BCHE: variants seen among roughly 807,000 people sequenced by gnomAD.
The protein encoded by BCHE is cholinesterase.
Under a neutral mutation model 51.3 loss-of-function variants are expected in BCHE, and 48 were observed. The observed-to-expected ratio is 0.94, with a 90% CI of 0.74 to 1.19. BCHE has a LOEUF of 1.19. BCHE is among the 50% of genes most tolerant of loss of function. The probability of loss-of-function intolerance (pLI) is 0.00; values close to 1 mark genes in which losing one functional copy is unlikely to be tolerated. For missense variants in BCHE, 847 were observed against 708.2 expected (o/e 1.20, Z -2.23); for synonymous variants, 251 against 238.0 (o/e 1.05, Z -0.50).
intron 2 of BCHE, among the ~76,000 whole-genome samples, chr3:165,827,827 A>AT (rs1714787611): frequency 6.6e-6 from 1 of 152,170 alleles, no homozygotes; most frequent in African/African-American, 2.4e-5. Flanking sequence ...TTGAGCAGAA[A>AT]TTTATGCTGA....
At chr3:165,820,670 A>C (rs895914237) in intron 2 of BCHE, among the ~76,000 whole-genome samples, 3 of 151,950 alleles carry the variant, frequency 2.0e-5, no homozygotes, top group Admixed American at 6.6e-5. Context: ...CACGTGAACT[A>C]TTATCTGTCG....
intron 2 of BCHE, among the ~76,000 whole-genome samples, chr3:165,794,788 A>G (rs147529608): frequency 1.7e-3 from 265 of 152,280 alleles, no homozygotes; most frequent in African/African-American, 6.2e-3. Context: ...GTGTGTTTGC[A>G]TCTCTGTATT....
At chr3:165,822,181 G>A (rs886854483) in intron 2 of BCHE, among the ~76,000 whole-genome samples, 7 of 151,734 alleles carry the variant, frequency 4.6e-5, no homozygotes, top group African/African-American at 1.7e-4. Flanking sequence ...ATTTCAGAGA[G>A]GTTCTGAATA....
chr3:165,795,408 T>C (rs1713338598), intron 2 of BCHE, among the ~76,000 whole-genome samples: 1 of 152,180 alleles, frequency 6.6e-6, no homozygotes, highest in South Asian at 2.1e-4. Context: ...CTTTTTGTTT[T>C]CTGGAAGATG....
chr3:165,799,886 C>T (rs975993987), intron 2 of BCHE, among the ~76,000 whole-genome samples: 21 of 152,008 alleles, frequency 1.4e-4, no homozygotes, highest in African/African-American at 5.1e-4. Context: ...TATAAAATGC[C>T]ATATTTTTCC....
rs779900951 is a variant in BCHE at position 165,829,511 on chromosome 3, A to T, written c.1517+6T>A. On this transcript the variant is annotated splice_donor_region_variant and intron_variant, in intron 2 of 3. Coordinates refer to ENST00000264381, the MANE Select transcript of BCHE (RefSeq NM_000055.4). The stretch of plus-strand genomic sequence containing the variant: ...CCAGAGAACAATGACAAAAATCAGC[A>T]CTTACCCATATTTTGCAAAATTTGC... 2 of 1,608,778 alleles carry T rather than the reference A, an allele frequency of 1.2e-6. No individual in the cohort carries two copies. The highest frequency in any genetic ancestry group is 1.7e-6 in the Non-Finnish European group (2 of 1,175,468).
chr3:165,773,089 A>AG lies in BCHE; in HGVS notation c.*292_*293insC, dbSNP rs1013543031. ...GCAGAGCACTGATAATTTTGGGGGG[A>AG]AAAACTTAAATTTATTAAGGAAAGA... On this transcript the variant is annotated 3_prime_UTR_variant, in exon 4 of 4. Transcript: ENST00000264381. The AG allele has an allele frequency of 1.4e-4, 14 of 98,172 alleles. No individual in the cohort carries two copies. In the African/African-American group the frequency reaches 2.5e-3, roughly 17 times the overall value. 6.1% of individuals were successfully genotyped at this position (98,172 alleles called of 1,614,324 possible). A position where few individuals can be genotyped will look rare whatever the true frequency, so the allele number is the denominator to read the frequency against.
intron 2 of BCHE, 72 bp downstream of exon 2, chr3:165,829,445 C>G: frequency 7.7e-7 from 1 of 1,292,796 alleles, no homozygotes. Context: ...AAAGTCTACC[C>G]CAGAGACCAA....
chr3:165,797,021 G>A, intron 2 of BCHE, among the ~76,000 whole-genome samples: 1 of 151,974 alleles, frequency 6.6e-6, no homozygotes, highest in Non-Finnish European at 1.5e-5. Flanking sequence ...GGAGATACGA[G>A]GCAATGTTTA....
At chr3:165,807,288 G>T (rs550127623) in intron 2 of BCHE, among the ~76,000 whole-genome samples, 1 of 151,214 alleles carries the variant, frequency 6.6e-6, no homozygotes, top group South Asian at 2.1e-4. Context: ...TTTTTTCTGC[G>T]ATCTCTCATG....
At chr3:165,788,246 AC>A (rs1713034921) in intron 2 of BCHE, among the ~76,000 whole-genome samples, 1 of 152,158 alleles carries the variant, frequency 6.6e-6, no homozygotes, top group Admixed American at 6.6e-5. Context: ...TTGAATATGC[AC>A]CATAAATTCA....
At position 165,830,725 on chromosome 3, in the gene BCHE, G is replaced by A; in HGVS notation, c.309C>T (p.Gly103=). ...GGTTCCACATCTCTGATCCATGGAA[G>A]CCTGGAAAACTTTGATCTATGTTCT... is the stretch of plus-strand genomic sequence containing the variant. ...CCQNIDQSFP[G]FHGSEMWNPN... is the part of the protein sequence containing the mutation. Residue 103 remains glycine (G), a synonymous_variant, in exon 2 of 4, where the codon GGC becomes GGT. Coordinates refer to ENST00000264381, the MANE Select transcript of BCHE (RefSeq NM_000055.4). 6.2e-7 allele frequency: 1 copy of A among 1,613,942 alleles called. No individual in the cohort carries two copies. The highest frequency in any genetic ancestry group is 1.1e-5 in the South Asian group (1 of 91,066).
intron 2 of BCHE, among the ~76,000 whole-genome samples, chr3:165,800,757 G>A (rs1464016192): frequency 6.6e-6 from 1 of 152,034 alleles, no homozygotes; most frequent in East Asian, 1.9e-4. Flanking sequence ...GAAGCTGTTT[G>A]TTAGTCAATA....
chr3:165,829,461 G>T, intron 2 of BCHE, 56 bp downstream of exon 2: 1 of 1,466,630 alleles, frequency 6.8e-7, no homozygotes, highest in Non-Finnish European at 9.6e-7. Flanking sequence ...ACCAAGCAAA[G>T]CTAAGCAAAA....
At chr3:165,795,093 T>A (rs1308883132) in intron 2 of BCHE, among the ~76,000 whole-genome samples, 3 of 152,136 alleles carry the variant, frequency 2.0e-5, no homozygotes, top group Non-Finnish European at 4.4e-5. Context: ...AGTTCTAAAA[T>A]AAAACTTTTC....
chr3:165,777,339 A>C (rs1206097993), intron 3 of BCHE, among the ~76,000 whole-genome samples: 1 of 147,154 alleles, frequency 6.8e-6, no homozygotes, highest in East Asian at 2.0e-4. Context: ...TTGCCAAAGA[A>C]AAATAATGTG....
chr3:165,821,241 A>G (rs1205375556), intron 2 of BCHE, among the ~76,000 whole-genome samples: 1 of 151,914 alleles, frequency 6.6e-6, no homozygotes, highest in African/African-American at 2.4e-5. Flanking sequence ...ATATAACAAA[A>G]AGTAAATTCA....
chr3:165,823,390 G>C (rs979816175), intron 2 of BCHE, among the ~76,000 whole-genome samples: 3 of 152,056 alleles, frequency 2.0e-5, no homozygotes, highest in Non-Finnish European at 4.4e-5. Context: ...TCCATGATAA[G>C]GTGAGATTAG....
Position 165,773,097 on chromosome 3 carries a change from A to G in BCHE, c.*285T>C, listed in dbSNP as rs55729116. Reference sequence around the variant, plus strand: ...CTGATAATTTTGGGGGGAAAAACTTAAATTTATTAAGGAAAGAAAGAAATT... The same window carrying G: ...CTGATAATTTTGGGGGGAAAAACTTGAATTTATTAAGGAAAGAAAGAAATT... On this transcript the variant is annotated 3_prime_UTR_variant, in exon 4 of 4. Coordinates refer to ENST00000264381, the MANE Select transcript of BCHE (RefSeq NM_000055.4). 5.2e-4 allele frequency: 134 copies of G among 255,306 alleles called. No individual in the cohort carries two copies. The highest frequency in any genetic ancestry group is 7.9e-4 in the Non-Finnish European group (105 of 133,742). 15.8% of individuals were successfully genotyped at this position (255,306 alleles called of 1,614,324 possible).
Sources: allele counts gnomAD v4.1 joint callset (sites outside exome capture counted in the v4.1 genomes callset), GRCh38; gene constraint gnomAD v4.1.1; transcripts MANE v1.5; gene names NCBI Gene and HGNC (gene_info 2026-07-23, HGNC 2026-07-21).